Variants in NTSR1 observed in about 807,000 individuals in gnomAD.
NTSR1 encodes the protein neurotensin receptor 1.
Under a neutral mutation model 31.2 loss-of-function variants are expected in NTSR1, and 29 were observed. The observed-to-expected ratio is 0.93, with a 90% CI of 0.69 to 1.27. The LOEUF (loss-of-function observed/expected upper bound fraction) is 1.27. Ranked by LOEUF, NTSR1 falls within the 50% of genes most tolerant of loss-of-function variation. The pLI, the probability that NTSR1 is intolerant of heterozygous loss-of-function variation, is 0.00. For synonymous variants in NTSR1, 282 were observed against 269.9 expected (o/e 1.04, Z -0.44); for missense variants, 697 against 595.4 (o/e 1.17, Z -1.78).
Position 62,741,270 on chromosome 20 carries a change from G to C in NTSR1, c.715-13415G>C, listed in dbSNP as rs1989201637. 6.6e-6 allele frequency among the ~76,000 whole-genome samples: 1 copy of C among 150,542 alleles called. No individual in the cohort carries two copies. The highest frequency in any genetic ancestry group is 6.6e-5 in the Admixed American group (1 of 15,042). On this transcript the variant is annotated intron_variant, in intron 1 of 3. Coordinates refer to ENST00000370501, the MANE Select transcript of NTSR1 (RefSeq NM_002531.3). The surrounding 1 kb of genome is among the most constrained non-coding windows in gnomAD (Gnocchi z 4.3). ...GGCACAGACAGGATGTGGCTTCCAG[G>C]GGCTTCTGTTCTGCCAAGTCCCCAC...
At position 62,709,534 on chromosome 20, in the gene NTSR1, G is replaced by A. The variant is rs377650417; in HGVS notation, c.327G>A (p.Ala109=). ...STVHYHLGSL[A]LSDLLTLLLA... ...TGCATTACCACCTGGGCAGCCTGGC[G>A]CTGTCCGACCTGCTCACCCTGCTGC... is the stretch of plus-strand genomic sequence containing the variant. The change falls in exon 1 of 4, where the codon GCG becomes GCA. Residue 109 remains alanine, a synonymous_variant. Coordinates refer to ENST00000370501, the MANE Select transcript of NTSR1 (RefSeq NM_002531.3). 7.4e-6 allele frequency: 12 copies of A among 1,612,220 alleles called. No individual in the cohort carries two copies. In the African/African-American group the frequency reaches 1.6e-4, roughly 21 times the overall value.
At chr20:62,747,678 C>T (rs371956877) in intron 1 of NTSR1, among the ~76,000 whole-genome samples, 3 of 152,154 alleles carry the variant, frequency 2.0e-5, no homozygotes, top group African/African-American at 7.2e-5. Flanking sequence ...AAAAGGCATT[C>T]ACATCAGAAA....
At chr20:62,750,196 C>T (rs777503661) in intron 1 of NTSR1, among the ~76,000 whole-genome samples, 6 of 152,134 alleles carry the variant, frequency 3.9e-5, no homozygotes, top group Non-Finnish European at 8.8e-5. Context: ...ATAAGCCAGG[C>T]GCAGAAAGAC....
At chr20:62,748,557 G>A (rs1283035380) in intron 1 of NTSR1, among the ~76,000 whole-genome samples, 1 of 152,174 alleles carries the variant, frequency 6.6e-6, no homozygotes, top group Admixed American at 6.5e-5. Context: ...AATCAAAACA[G>A]CATGGTACTA....
intron 1 of NTSR1, among the ~76,000 whole-genome samples, chr20:62,716,262 A>G (rs919927404): frequency 3.3e-5 from 5 of 152,118 alleles, no homozygotes; most frequent in African/African-American, 1.2e-4. Context: ...TCAGACTGGC[A>G]GAATCTCAGG....
chr20:62,709,790 G>A lies in NTSR1; in HGVS notation c.583G>A (p.Ala195Thr). ...TKKFISAIWL[A>T]SALLAVPMLF... ...GAAGTTCATCAGCGCCATCTGGCTCGCCTCGGCCCTGCTGGCGGTGCCTAT... is the reference window on the plus strand; with the variant it reads ...GAAGTTCATCAGCGCCATCTGGCTCACCTCGGCCCTGCTGGCGGTGCCTAT... The change falls in exon 1 of 4, where the codon GCC becomes ACC. Residue 195 changes from alanine (A) to threonine (T), a missense_variant. Ala to Thr is a moderately conservative substitution (Grantham distance 58, BLOSUM62 0). Coordinates refer to ENST00000370501, the MANE Select transcript of NTSR1 (RefSeq NM_002531.3). The A allele has an allele frequency of 1.9e-6, 3 of 1,612,944 alleles. No individual in the cohort carries two copies. Among genetic ancestry groups the A allele is most frequent in the Non-Finnish European group, 2.5e-6 (3 of 1,179,908 alleles).
At chr20:62,723,460 G>A (rs530267614) in intron 1 of NTSR1, among the ~76,000 whole-genome samples, 2 of 152,202 alleles carry the variant, frequency 1.3e-5, no homozygotes, top group African/African-American at 2.4e-5. Flanking sequence ...GGCAAGGAAC[G>A]CTCATTTGTC....
chr20:62,745,660 AAGAC>A lies in NTSR1; in HGVS notation c.715-9017_715-9014del, dbSNP rs151323670. 5.0e-3 allele frequency among the ~76,000 whole-genome samples: 756 copies of A among 152,312 alleles called. 9 individuals carry two copies. Among genetic ancestry groups the A allele is most frequent in the African/African-American group, 0.016 (683 of 41,564 alleles). ...AGAGACATCACAGGAGAAAGATACA[AAGAC>A]AGACAGAGACACATATTCTGCCTCG... On this transcript the variant is annotated intron_variant, in intron 1 of 3. Transcript: ENST00000370501. This position sits in a 1 kb window ranked among gnomAD's most constrained non-coding sequence, Gnocchi z 4.1.
Position 62,722,022 on chromosome 20 carries a change from A to G in NTSR1, c.714+12101A>G, listed in dbSNP as rs143053083. The stretch of plus-strand genomic sequence containing the variant: ...CAATGGACTCATTTTTTTCTTGTCA[A>G]TGGGTCACATTTTACTTTCTTTGCA... On this transcript the variant is annotated intron_variant, in intron 1 of 3. Transcript: ENST00000370501. 2.4e-3 allele frequency among the ~76,000 whole-genome samples: 367 copies of G among 152,052 alleles called. 1 individual carries two copies. The highest frequency in any genetic ancestry group is 6.2e-3 in the African/African-American group (258 of 41,450).
At chr20:62,730,737 C>T (rs1988988747) in intron 1 of NTSR1, among the ~76,000 whole-genome samples, 1 of 152,210 alleles carries the variant, frequency 6.6e-6, no homozygotes, top group African/African-American at 2.4e-5. Context: ...GCTCCGCAGC[C>T]TTGCCAGCGT....
chr20:62,725,035 G>A (rs548938129), intron 1 of NTSR1, among the ~76,000 whole-genome samples: 6 of 152,238 alleles, frequency 3.9e-5, no homozygotes, highest in African/African-American at 9.6e-5. Context: ...GTATCTTTTC[G>A]GGGCTACCAA....
intron 1 of NTSR1, among the ~76,000 whole-genome samples, chr20:62,750,188 A>G (rs1335862319): frequency 6.6e-6 from 1 of 152,216 alleles, no homozygotes; most frequent in Admixed American, 6.5e-5. Context: ...TAAGTGAAAT[A>G]AGCCAGGCGC....
At chr20:62,752,156 C>A (rs1466134782) in intron 1 of NTSR1, among the ~76,000 whole-genome samples, 1 of 152,192 alleles carries the variant, frequency 6.6e-6, no homozygotes, top group Non-Finnish European at 1.5e-5. Context: ...GTCCTTCTGT[C>A]CAGGAAGGGG....
At position 62,754,742 on chromosome 20, in the gene NTSR1, A is replaced by G. The variant is rs138643860; in HGVS notation, c.772A>G (p.Ile258Val). Residue 258 changes from isoleucine (I) to valine (V), a missense_variant, in exon 2 of 4, where the codon ATC becomes GTC. Coordinates refer to ENST00000370501, the MANE Select transcript of NTSR1 (RefSeq NM_002531.3). ...PMVVISVLNT[I>V]IANKLTVMVR... Reference sequence around the variant, plus strand: ...GGTGGTCATCTCGGTCCTGAACACCATCATCGCCAACAAGCTGACCGTCAT... The same window carrying G: ...GGTGGTCATCTCGGTCCTGAACACCGTCATCGCCAACAAGCTGACCGTCAT... 2.6e-4 allele frequency: 425 copies of G among 1,612,862 alleles called. No individual in the cohort carries two copies. In the African/African-American group the frequency reaches 5.1e-3, roughly 19 times the overall value.
rs1232538213 is a variant in NTSR1, at chr20:62,709,251, C to T, written c.44C>T (p.Ala15Val). The part of the protein sequence containing the change: ...SSAPGTPGTP[A>V]ADPFQRAQAG... ...GCGCCGGGAACCCCGGGCACGCCGG[C>T]CGCCGACCCCTTCCAGCGGGCGCAG... Residue 15 changes from alanine to valine, a missense_variant, in exon 1 of 4, where the codon GCC becomes GTC. Physicochemically the swap from Ala to Val is moderately conservative, Grantham distance 64. Coordinates refer to ENST00000370501, the MANE Select transcript of NTSR1 (RefSeq NM_002531.3). The T allele has an allele frequency of 9.9e-6, 15 of 1,521,212 alleles. No individual in the cohort carries two copies. The highest frequency in any genetic ancestry group is 1.3e-5 in the Non-Finnish European group (15 of 1,141,320). 94.2% of individuals were successfully genotyped at this position (1,521,212 alleles called of 1,614,324 possible).
At chr20:62,721,532 G>A (rs1424463409) in intron 1 of NTSR1, among the ~76,000 whole-genome samples, 1 of 152,214 alleles carries the variant, frequency 6.6e-6, no homozygotes, top group Non-Finnish European at 1.5e-5. Context: ...TCCAATGCAG[G>A]CCTGTTTTTG....
intron 1 of NTSR1, among the ~76,000 whole-genome samples, chr20:62,749,247 C>G (rs2147145808): frequency 6.6e-6 from 1 of 152,278 alleles, no homozygotes; most frequent in South Asian, 2.1e-4. Context: ...CGAGACCATC[C>G]TGGCTAACAC....
intron 2 of NTSR1, among the ~76,000 whole-genome samples, chr20:62,756,432 A>C (rs1175810163): frequency 6.6e-6 from 1 of 152,266 alleles, no homozygotes; most frequent in Non-Finnish European, 1.5e-5. Context: ...AAGCCCTTTC[A>C]TGCCTGAGAC....
intron 1 of NTSR1, 144 bp from the exon 2 acceptor site, chr20:62,754,541 T>A: frequency 1.4e-6 from 1 of 709,808 alleles, no homozygotes; most frequent in Non-Finnish European, 2.5e-6. Flanking sequence ...GCAGCCGGGA[T>A]AGGGCCGGAC....
Sources: gnomAD v4.1 joint callset for allele counts (sites outside exome capture counted in the v4.1 genomes callset) on GRCh38, gnomAD v4.1.1 for gene constraint, Gnocchi (gnomAD v3.1) non-coding constraint, MANE v1.5 for transcripts, NCBI Gene and HGNC (gene_info 2026-07-23, HGNC 2026-07-21) for gene names.